The following EPB41L4A variants were observed in gnomAD, a reference collection of about 807,000 sequenced individuals.
EPB41L4A encodes the protein band 4.1-like protein 4A.
A neutral mutation model predicts 108.6 loss-of-function variants in EPB41L4A; 100 were observed. That is an observed-to-expected ratio of 0.92 (90% CI 0.78 to 1.09). The LOEUF (loss-of-function observed/expected upper bound fraction) is 1.09, where lower values mean the gene tolerates loss of function less well. Among genes scored for constraint, EPB41L4A ranks in the 50% least tolerant of loss-of-function variants. The probability of loss-of-function intolerance (pLI) is 0.00; values close to 1 mark genes in which losing one functional copy is unlikely to be tolerated. For synonymous variants in EPB41L4A, 319 were observed against 289.0 expected (o/e 1.10, Z -1.05); for missense variants, 1,030 against 842.7 (o/e 1.22, Z -2.75).
intron 12 of EPB41L4A, among the ~76,000 whole-genome samples, chr5:112,229,537 G>A (rs1352485847): frequency 6.6e-6 from 1 of 152,072 alleles, no homozygotes; most frequent in Non-Finnish European, 1.5e-5. Context: ...TGTACCCAAT[G>A]TGTAGTCTTT....
intron 1 of EPB41L4A, among the ~76,000 whole-genome samples, chr5:112,337,492 A>G (rs1293863496): frequency 6.6e-6 from 1 of 152,176 alleles, no homozygotes; most frequent in Non-Finnish European, 1.5e-5. Context: ...GCAGTATCTC[A>G]GTCATCACAA....
chr5:112,304,290 C>T (rs966157250), intron 2 of EPB41L4A, among the ~76,000 whole-genome samples: 1 of 152,130 alleles, frequency 6.6e-6, no homozygotes, highest in African/African-American at 2.4e-5. Context: ...CAACTTCTGC[C>T]TTTCAAGGAG....
At chr5:112,272,366 C>T (rs1406575466) in intron 4 of EPB41L4A, among the ~76,000 whole-genome samples, 1 of 151,642 alleles carries the variant, frequency 6.6e-6, no homozygotes, top group Admixed American at 6.6e-5. Flanking sequence ...TGGTTTCGAA[C>T]TCCTGACCTC....
intron 1 of EPB41L4A, among the ~76,000 whole-genome samples, chr5:112,373,045 T>C (rs1354202524): frequency 4.6e-5 from 7 of 152,262 alleles, no homozygotes; most frequent in African/African-American, 1.7e-4. Context: ...TAACTCTGTC[T>C]ATTCTTAAAA....
At chr5:112,278,001 C>A (rs1234965964) in intron 3 of EPB41L4A, among the ~76,000 whole-genome samples, 2 of 152,040 alleles carry the variant, frequency 1.3e-5, no homozygotes, top group Non-Finnish European at 2.9e-5. Flanking sequence ...TTTGTGTAGA[C>A]TAATTTTGAG....
chr5:112,271,348 T>C (rs999290564), intron 4 of EPB41L4A, among the ~76,000 whole-genome samples: 1 of 152,226 alleles, frequency 6.6e-6, no homozygotes, highest in Non-Finnish European at 1.5e-5. Flanking sequence ...TAACCATTAT[T>C]TCCATGTCAG....
intron 1 of EPB41L4A, among the ~76,000 whole-genome samples, chr5:112,400,861 T>C (rs1321954631): frequency 6.7e-6 from 1 of 148,426 alleles, no homozygotes; most frequent in Non-Finnish European, 1.5e-5. Flanking sequence ...AGACATCACA[T>C]GGAGACACAA....
intron 1 of EPB41L4A, among the ~76,000 whole-genome samples, chr5:112,361,238 G>GA (rs1482496720): frequency 6.6e-6 from 1 of 152,176 alleles, no homozygotes; most frequent in African/African-American, 2.4e-5. Flanking sequence ...CGTGCTCTCT[G>GA]AAACATGTGC....
chr5:112,219,372 G>A (rs35776010), intron 12 of EPB41L4A, among the ~76,000 whole-genome samples: 5 of 152,084 alleles, frequency 3.3e-5, no homozygotes, highest in African/African-American at 1.2e-4. Flanking sequence ...GTGAAGACAT[G>A]CCTTCTGCCA....
At chr5:112,176,554 A>G (rs1051547275) in intron 18 of EPB41L4A, among the ~76,000 whole-genome samples, 4 of 152,118 alleles carry the variant, frequency 2.6e-5, no homozygotes, top group African/African-American at 7.2e-5. Flanking sequence ...AATGTCATCC[A>G]TAATACCGCT....
At chr5:112,203,519 C>T (rs1410082498) in intron 15 of EPB41L4A, among the ~76,000 whole-genome samples, 1 of 152,220 alleles carries the variant, frequency 6.6e-6, no homozygotes, top group African/African-American at 2.4e-5. Context: ...ACCTGTCACA[C>T]TGCCCAGCCT....
chr5:112,404,253 T>G (rs1373873624), intron 1 of EPB41L4A, among the ~76,000 whole-genome samples: 1 of 152,220 alleles, frequency 6.6e-6, no homozygotes, highest in African/African-American at 2.4e-5. Flanking sequence ...TGTTATCATG[T>G]GCTAGGCACT....
Position 112,169,092 on chromosome 5 carries a change from G to A in EPB41L4A, c.1753C>T (p.Pro585Ser), listed in dbSNP as rs1172971839. 6.2e-7 allele frequency: 1 copy of A among 1,613,526 alleles called. No homozygotes were observed. The highest frequency in any genetic ancestry group is 1.1e-5 in the South Asian group (1 of 91,054). ...GAATGAGAATGCCTGATGCGGATTG[G>A]GTCACCTTGTGTCCTGAACAAGCAA... ...PYTKIETQGD[P>S]IRIRHSHSPR... The change falls in exon 21 of 23, where the codon CCA becomes TCA. Residue 585 changes from proline to serine, a missense_variant. Coordinates refer to ENST00000261486, the MANE Select transcript of EPB41L4A (RefSeq NM_022140.5).
At chr5:112,185,438 A>G (rs940264312) in intron 17 of EPB41L4A, among the ~76,000 whole-genome samples, 64 of 152,336 alleles carry the variant, frequency 4.2e-4, no homozygotes, top group African/African-American at 1.4e-3. Context: ...TATAACTTAG[A>G]CATAATGTAA....
At chr5:112,191,582 G>A (rs1270171755) in intron 17 of EPB41L4A, among the ~76,000 whole-genome samples, 1 of 151,834 alleles carries the variant, frequency 6.6e-6, no homozygotes, top group Non-Finnish European at 1.5e-5. Flanking sequence ...CAGTAAAGCA[G>A]CTTATGCTCC....
chr5:112,321,450 A>AT (rs1334264867), intron 1 of EPB41L4A, among the ~76,000 whole-genome samples: 4 of 152,212 alleles, frequency 2.6e-5, no homozygotes, highest in Admixed American at 2.0e-4. Flanking sequence ...GGGCACACAA[A>AT]TCTGCAACTG....
At chr5:112,415,637 C>A (rs1016750424) in intron 1 of EPB41L4A, among the ~76,000 whole-genome samples, 3 of 152,128 alleles carry the variant, frequency 2.0e-5, no homozygotes, top group African/African-American at 4.8e-5. Flanking sequence ...AGTTATCTAC[C>A]TCCCTCAGCA....
At chr5:112,386,656 G>T (rs1298911010) in intron 1 of EPB41L4A, among the ~76,000 whole-genome samples, 1 of 152,112 alleles carries the variant, frequency 6.6e-6, no homozygotes, top group South Asian at 2.1e-4. Context: ...TAAATGAATC[G>T]ATTGTATCAA....
chr5:112,265,671 C>A (rs936329368), intron 5 of EPB41L4A, among the ~76,000 whole-genome samples: 11 of 152,212 alleles, frequency 7.2e-5, no homozygotes, highest in African/African-American at 2.7e-4. Flanking sequence ...CTTATTCTCC[C>A]CACATCTAGC....
Sources: gnomAD v4.1 joint callset for allele counts (sites outside exome capture counted in the v4.1 genomes callset) on GRCh38, gnomAD v4.1.1 for gene constraint, MANE v1.5 for transcripts, NCBI Gene and HGNC (gene_info 2026-07-23, HGNC 2026-07-21) for gene names.